The following XPR1 variants were observed in gnomAD, a reference collection of about 807,000 sequenced individuals.
XPR1 encodes the protein solute carrier family 53 member 1.
A neutral mutation model predicts 87.5 loss-of-function variants in XPR1; 28 were observed. The observed-to-expected ratio is 0.32, with a 90% CI of 0.24 to 0.44. The LOEUF (loss-of-function observed/expected upper bound fraction) is 0.44, where lower values mean the gene tolerates loss of function less well. Ranked by LOEUF, XPR1 falls within the 20% of genes least tolerant of loss-of-function variation. XPR1 has a pLI of 1.00. For synonymous variants in XPR1, 300 were observed against 306.1 expected (o/e 0.98, Z 0.21); for missense variants, 559 against 862.3 (o/e 0.65, Z 4.41).
At chr1:180,759,793 C>G (rs1647924736) in intron 2 of XPR1, among the ~76,000 whole-genome samples, 1 of 152,278 alleles carries the variant, frequency 6.6e-6, no homozygotes, top group African/African-American at 2.4e-5. Context: ...GATACCAAAG[C>G]CTGGCAGAGA....
chr1:180,873,712 T>C, intron 12 of XPR1, 91 bp from the exon 13 acceptor site: 1 of 1,410,034 alleles, frequency 7.1e-7, no homozygotes, highest in Non-Finnish European at 9.7e-7. Flanking sequence ...AGGACATGTG[T>C]GAGTCTTGTT....
At chr1:180,742,239 T>A (rs1244312925) in intron 2 of XPR1, among the ~76,000 whole-genome samples, 1 of 152,176 alleles carries the variant, frequency 6.6e-6, no homozygotes, top group Admixed American at 6.5e-5. Context: ...AAGCTTAGAT[T>A]AGTGATTTGA....
At chr1:180,825,468 T>C in intron 9 of XPR1, 124 bp downstream of exon 9, 1 of 995,110 alleles carries the variant, frequency 1.0e-6, no homozygotes, top group Middle Eastern at 2.8e-4. Context: ...ATAGTTTATG[T>C]GAGTGGAGGC....
chr1:180,772,838 G>T (rs983617821), intron 2 of XPR1, among the ~76,000 whole-genome samples: 1 of 152,086 alleles, frequency 6.6e-6, no homozygotes, highest in East Asian at 1.9e-4. Context: ...TTTGTAAATT[G>T]CCCAGTCTTG....
intron 11 of XPR1, among the ~76,000 whole-genome samples, chr1:180,858,837 A>C (rs1174242837): frequency 6.6e-6 from 1 of 152,224 alleles, no homozygotes; most frequent in Non-Finnish European, 1.5e-5. Context: ...ATGTGATCTC[A>C]CATGTAACTA....
At chr1:180,838,773 A>G (rs974379200) in intron 11 of XPR1, among the ~76,000 whole-genome samples, 2 of 152,154 alleles carry the variant, frequency 1.3e-5, no homozygotes, top group Non-Finnish European at 1.5e-5. Context: ...CTGTTGAACT[A>G]TAATGTATCT....
At chr1:180,877,594 A>G (rs1487796022) in intron 13 of XPR1, among the ~76,000 whole-genome samples, 2 of 152,250 alleles carry the variant, frequency 1.3e-5, no homozygotes, top group African/African-American at 4.8e-5. Context: ...AACATAGGAA[A>G]GAACCCTAAA....
At chr1:180,729,183 A>G (rs1447129465) in intron 2 of XPR1, among the ~76,000 whole-genome samples, 1 of 152,184 alleles carries the variant, frequency 6.6e-6, no homozygotes, top group East Asian at 1.9e-4. Flanking sequence ...ATTACTTTTC[A>G]TGGCTGGATA....
intron 1 of XPR1, among the ~76,000 whole-genome samples, chr1:180,679,212 A>G (rs554250726): frequency 1.1e-4 from 16 of 149,698 alleles, no homozygotes; most frequent in African/African-American, 3.9e-4. Flanking sequence ...AAAAAAACAA[A>G]CAAACAAAAA....
intron 11 of XPR1, among the ~76,000 whole-genome samples, chr1:180,848,054 TA>T (rs1458406771): frequency 2.0e-5 from 3 of 152,116 alleles, no homozygotes; most frequent in African/African-American, 4.8e-5. Flanking sequence ...AAAAATTCTT[TA>T]AAAAAATTGA....
chr1:180,759,210 A>G (rs374186390), intron 2 of XPR1, among the ~76,000 whole-genome samples: 1 of 152,096 alleles, frequency 6.6e-6, no homozygotes, highest in Non-Finnish European at 1.5e-5. Flanking sequence ...AAAAGAACTA[A>G]AAAAGCAAGA....
intron 2 of XPR1, among the ~76,000 whole-genome samples, chr1:180,728,635 G>T (rs7523694): frequency 0.017 from 2,554 of 152,286 alleles, 79 homozygotes; most frequent in African/African-American, 0.056. Flanking sequence ...GCACATTAGA[G>T]TTTGAGAAGC....
Position 180,865,649 on chromosome 1 carries a change from C to G in XPR1, c.1668+1775C>G, listed in dbSNP as rs554802976. ...TCTCCTGACCTCATGATCCGCCTGC[C>G]TCGGCCTCCCAAAACATTTGTTTCT... On this transcript the variant is annotated intron_variant, in intron 12 of 14. Coordinates refer to ENST00000367590, the MANE Select transcript of XPR1 (RefSeq NM_004736.4). Among the ~76,000 whole-genome samples the G allele has an allele frequency of 6.6e-5, 10 of 152,226 alleles. No individual in the cohort carries two copies. The South Asian group carries it at 2.1e-3, about 32-fold the overall frequency.
chr1:180,824,224 G>T (rs571765473), intron 7 of XPR1, among the ~76,000 whole-genome samples: 1 of 152,180 alleles, frequency 6.6e-6, no homozygotes, highest in African/African-American at 2.4e-5. Context: ...TTATTCTAGT[G>T]ACATTCTGCA....
At chr1:180,695,075 A>G (rs1657118283) in intron 2 of XPR1, among the ~76,000 whole-genome samples, 1 of 151,966 alleles carries the variant, frequency 6.6e-6, no homozygotes, top group African/African-American at 2.4e-5. Flanking sequence ...TGTCTTTTTG[A>G]TAATAGTTAT....
chr1:180,635,521 T>C (rs1193696821), intron 1 of XPR1, among the ~76,000 whole-genome samples: 1 of 152,188 alleles, frequency 6.6e-6, no homozygotes, highest in Non-Finnish European at 1.5e-5. Flanking sequence ...GTTTCTTTGG[T>C]TTCTCAGGAC....
intron 2 of XPR1, among the ~76,000 whole-genome samples, chr1:180,766,751 T>A (rs1242998304): frequency 6.6e-6 from 1 of 152,172 alleles, no homozygotes; most frequent in African/African-American, 2.4e-5. Context: ...AATAAGTACA[T>A]TTTCATTTTG....
intron 2 of XPR1, among the ~76,000 whole-genome samples, chr1:180,746,994 A>G (rs1241259834): frequency 2.0e-5 from 3 of 152,194 alleles, no homozygotes; most frequent in Admixed American, 6.5e-5. Context: ...TATGGTTAAT[A>G]TTTCAAATTG....
intron 2 of XPR1, among the ~76,000 whole-genome samples, chr1:180,740,422 CA>C (rs1438446460): frequency 5.3e-5 from 8 of 151,486 alleles, no homozygotes; most frequent in African/African-American, 1.9e-4. Context: ...ATCATATGAC[CA>C]TGTTTTTTTT....
Sources: gnomAD v4.1 joint callset for allele counts (sites outside exome capture counted in the v4.1 genomes callset) on GRCh38, gnomAD v4.1.1 for gene constraint, MANE v1.5 for transcripts, NCBI Gene and HGNC (gene_info 2026-07-23, HGNC 2026-07-21) for gene names.